PPP4R3B: variants seen among roughly 807,000 people sequenced by gnomAD.
PPP4R3B encodes the protein serine/threonine-protein phosphatase 4 regulatory subunit 3B.
Under a neutral mutation model 95.4 loss-of-function variants are expected in PPP4R3B, and 52 were observed. The observed-to-expected ratio is 0.54, with a 90% CI of 0.44 to 0.69. PPP4R3B has a LOEUF of 0.69. Ranked by LOEUF, PPP4R3B falls within the 30% of genes least tolerant of loss-of-function variation. The pLI, the probability that PPP4R3B is intolerant of heterozygous loss-of-function variation, is 0.00. For synonymous variants in PPP4R3B, 407 were observed against 343.9 expected, an observed-to-expected ratio of 1.18 and a Z score of -2.03; for missense variants, 1,003 against 1,005.9, an observed-to-expected ratio of 1.00 and a Z score of 0.04.
intron 16 of PPP4R3B, among the ~76,000 whole-genome samples, chr2:55,557,106 A>G (rs1317876484): frequency 6.6e-6 from 1 of 152,182 alleles, no homozygotes; most frequent in Non-Finnish European, 1.5e-5. Flanking sequence ...CAGGGAGCTT[A>G]AGGCCCAGAG....
At chr2:55,581,832 C>T (rs746900414) in intron 7 of PPP4R3B, 134 bp from the exon 8 acceptor site, 95 of 922,344 alleles carry the variant, frequency 1.0e-4, no homozygotes, top group Non-Finnish European at 1.4e-4. Flanking sequence ...CTTATTTAAA[C>T]CTCTATTCCT....
At chr2:55,574,611 T>G (rs1008435436) in intron 11 of PPP4R3B, among the ~76,000 whole-genome samples, 1 of 151,794 alleles carries the variant, frequency 6.6e-6, no homozygotes, top group Non-Finnish European at 1.5e-5. Flanking sequence ...TTTTTTTTTT[T>G]GATACAGAGT....
chr2:55,565,564 C>T (rs953132031), intron 13 of PPP4R3B: 5 of 152,064 alleles, frequency 3.3e-5, no homozygotes, highest in African/African-American at 1.2e-4. Context: ...GATCATTACA[C>T]ATTCTATGCA....
At chr2:55,612,814 C>T (rs1436940472) in intron 2 of PPP4R3B, among the ~76,000 whole-genome samples, 3 of 151,908 alleles carry the variant, frequency 2.0e-5, no homozygotes, top group African/African-American at 7.3e-5. Flanking sequence ...GGCGTGGTGG[C>T]GGGCGCCTGT....
chr2:55,564,558 G>C (rs534582563), intron 14 of PPP4R3B, 61 bp from the exon 15 acceptor site: 2 of 1,417,728 alleles, frequency 1.4e-6, no homozygotes, highest in African/African-American at 1.5e-5. Flanking sequence ...AGATTGAACT[G>C]AAGGAAAAAT....
intron 11 of PPP4R3B, among the ~76,000 whole-genome samples, chr2:55,575,257 A>G (rs1688529062): frequency 6.6e-6 from 1 of 151,672 alleles, no homozygotes; most frequent in South Asian, 2.1e-4. Flanking sequence ...AACTTTTAAA[A>G]TATCAACTCA....
At chr2:55,612,450 G>A (rs1458605909) in intron 2 of PPP4R3B, among the ~76,000 whole-genome samples, 1 of 152,108 alleles carries the variant, frequency 6.6e-6, no homozygotes, top group Non-Finnish European at 1.5e-5. Flanking sequence ...TACAGCCACT[G>A]CTCACACCTG....
chr2:55,615,376 T>A lies in PPP4R3B; in HGVS notation c.198+75A>T, dbSNP rs904177409. 4.4e-5 allele frequency: 47 copies of A among 1,067,102 alleles called. No homozygotes were observed. The South Asian group carries it at 6.6e-4, about 15-fold the overall frequency. The allele number at this position is 1,067,102 out of a possible 1,614,324, so 66.1% of individuals were successfully genotyped here. On this transcript the variant is annotated intron_variant, in intron 2 of 16. Coordinates refer to ENST00000616407, the MANE Select transcript of PPP4R3B (RefSeq NM_001122964.3). ...ATGTTTTTTTCTTGTCAGGAAAGCT[T>A]TCCCACCTTTGTCAGATTAATACTT...
At chr2:55,557,742 T>C (rs749395599) in intron 16 of PPP4R3B, among the ~76,000 whole-genome samples, 3 of 152,190 alleles carry the variant, frequency 2.0e-5, no homozygotes, top group South Asian at 2.1e-4. Flanking sequence ...GTGTTTCTGC[T>C]TGTCTTTCTA....
rs1423929543 is a variant in PPP4R3B, at chr2:55,604,091, A to G, written c.199-15T>C. On this transcript the variant is annotated splice_polypyrimidine_tract_variant and intron_variant, in intron 2 of 16. Coordinates refer to ENST00000616407, the MANE Select transcript of PPP4R3B (RefSeq NM_001122964.3). ...ATTAATGTATCCTGTTTAAAAATAA[A>G]TATTTCCATATCATCACACTAGAAA... is the stretch of plus-strand genomic sequence containing the variant. 4 of 1,568,662 alleles carry G rather than the reference A, an allele frequency of 2.5e-6. No homozygotes were observed. Among genetic ancestry groups the G allele is most frequent in the East Asian group, 2.3e-5 (1 of 44,434 alleles).
At chr2:55,616,305 T>C (rs796974748) in intron 1 of PPP4R3B, among the ~76,000 whole-genome samples, 17 of 152,196 alleles carry the variant, frequency 1.1e-4, no homozygotes, top group Non-Finnish European at 4.4e-5. Flanking sequence ...ACACCTTCTG[T>C]AGAAGTGATG....
At chr2:55,602,674 G>A (rs1692791961) in intron 3 of PPP4R3B, among the ~76,000 whole-genome samples, 1 of 152,196 alleles carries the variant, frequency 6.6e-6, no homozygotes, top group South Asian at 2.1e-4. Flanking sequence ...ATATATCACT[G>A]CTGGGAGAAG....
intron 12 of PPP4R3B, among the ~76,000 whole-genome samples, chr2:55,568,843 G>A (rs535319288): frequency 6.6e-6 from 1 of 152,294 alleles, no homozygotes; most frequent in East Asian, 1.9e-4. Context: ...AGATTGCCTT[G>A]CCTCTCTGAG....
intron 5 of PPP4R3B, among the ~76,000 whole-genome samples, chr2:55,588,528 A>G (rs1442151902): frequency 1.2e-4 from 18 of 151,626 alleles, no homozygotes; most frequent in South Asian, 6.2e-4. Context: ...AAAAAAAAAA[A>G]AAAGAAAAAG....
intron 2 of PPP4R3B, among the ~76,000 whole-genome samples, chr2:55,611,453 T>C (rs925874979): frequency 5.3e-5 from 8 of 152,250 alleles, no homozygotes; most frequent in African/African-American, 9.6e-5. Context: ...CTTTCCAACA[T>C]GTTTAAATGC....
chr2:55,567,549 G>A (rs1687468682), intron 13 of PPP4R3B, among the ~76,000 whole-genome samples: 1 of 152,064 alleles, frequency 6.6e-6, no homozygotes, highest in South Asian at 2.1e-4. Context: ...CCAAGTGGCT[G>A]GGACTACAGG....
chr2:55,573,614 C>T lies in PPP4R3B; in HGVS notation c.1765+5G>A. ...ATGTTGCTCCTTAAAACATTTTATA[C>T]TTACACAAGGCCAGAAAAGTGTGCT... On this transcript the variant is annotated splice_donor_5th_base_variant and intron_variant, in intron 12 of 16. Transcript: ENST00000616407. 6.5e-7 allele frequency: 1 copy of T among 1,528,262 alleles called. No homozygotes were observed. Among genetic ancestry groups the T allele is most frequent in the Non-Finnish European group, 8.8e-7 (1 of 1,140,914 alleles). 94.7% of individuals were successfully genotyped at this position (1,528,262 alleles called of 1,614,324 possible).
At chr2:55,579,355 A>G (rs190276065) in intron 9 of PPP4R3B, among the ~76,000 whole-genome samples, 135 of 152,084 alleles carry the variant, frequency 8.9e-4, no homozygotes, top group African/African-American at 3.2e-3. Flanking sequence ...CTTTCTTTTG[A>G]TAAGTGTCTA....
chr2:55,572,197 G>A (rs1688098224), intron 12 of PPP4R3B, among the ~76,000 whole-genome samples: 1 of 149,538 alleles, frequency 6.7e-6, no homozygotes, highest in Non-Finnish European at 1.5e-5. Flanking sequence ...AAGAAAGTGA[G>A]AATATCTGCA....
Sources: gnomAD v4.1 joint callset for allele counts (sites outside exome capture counted in the v4.1 genomes callset) on GRCh38, gnomAD v4.1.1 for gene constraint, MANE v1.5 for transcripts, NCBI Gene and HGNC (gene_info 2026-07-23, HGNC 2026-07-21) for gene names.